BTBD9: variants seen among roughly 807,000 people sequenced by gnomAD.
BTBD9 encodes BTB domain containing 9.
In BTBD9, 49 loss-of-function variants were observed where a neutral mutation model predicts 64.3. The ratio of observed to expected loss-of-function variants is 0.76; its 90% confidence interval spans 0.61 to 0.97. The LOEUF (loss-of-function observed/expected upper bound fraction) is 0.97. Ranked by LOEUF, BTBD9 falls within the 50% of genes least tolerant of loss-of-function variation. The pLI, the probability that BTBD9 is intolerant of heterozygous loss-of-function variation, is 0.00. For synonymous variants in BTBD9, 260 were observed against 274.7 expected (o/e 0.95, Z 0.53); for missense variants, 598 against 762.1 (o/e 0.78, Z 2.53).
intron 10 of BTBD9, among the ~76,000 whole-genome samples, chr6:38,192,279 T>A (rs918448159): frequency 6.6e-6 from 1 of 152,186 alleles, no homozygotes; most frequent in African/African-American, 2.4e-5. Flanking sequence ...GTTGGCCGAT[T>A]CCACAGAGAG....
chr6:38,526,677 C>T (rs562812259), intron 6 of BTBD9, among the ~76,000 whole-genome samples: 1 of 152,334 alleles, frequency 6.6e-6, no homozygotes, highest in South Asian at 2.1e-4. Context: ...AGACATGCAG[C>T]TAAATATCAT....
chr6:38,527,472 T>G (rs1582580009), intron 6 of BTBD9, among the ~76,000 whole-genome samples: 1 of 151,952 alleles, frequency 6.6e-6, no homozygotes, highest in Non-Finnish European at 1.5e-5. Flanking sequence ...GTTCTCATGA[T>G]AGTGAGTGAG....
intron 6 of BTBD9, among the ~76,000 whole-genome samples, chr6:38,536,106 A>T (rs1357847933): frequency 6.6e-6 from 1 of 152,142 alleles, no homozygotes; most frequent in Non-Finnish European, 1.5e-5. Flanking sequence ...CTGACAAGCA[A>T]TTAATAACTA....
intron 1 of BTBD9, among the ~76,000 whole-genome samples, chr6:38,616,179 G>A (rs978406010): frequency 1.3e-5 from 2 of 152,132 alleles, no homozygotes; most frequent in African/African-American, 4.8e-5. Context: ...AAGAAAAGGA[G>A]GATCTCAGTG....
chr6:38,344,145 C>T (rs1764198401), intron 7 of BTBD9, among the ~76,000 whole-genome samples: 1 of 151,992 alleles, frequency 6.6e-6, no homozygotes. Context: ...AATCAAGGAG[C>T]TAATTGATCT....
chr6:38,464,570 A>G (rs1770257119), intron 6 of BTBD9, among the ~76,000 whole-genome samples: 1 of 152,090 alleles, frequency 6.6e-6, no homozygotes, highest in Admixed American at 6.5e-5. Context: ...ATCTCGGCTC[A>G]CTGCAACTTC....
chr6:38,314,790 T>A (rs979597054), intron 7 of BTBD9, among the ~76,000 whole-genome samples: 1 of 152,230 alleles, frequency 6.6e-6, no homozygotes, highest in African/African-American at 2.4e-5. Context: ...TAGCAGCCTC[T>A]AATGATCCTT....
chr6:38,324,276 C>A (rs1582230521), intron 7 of BTBD9, among the ~76,000 whole-genome samples: 1 of 151,980 alleles, frequency 6.6e-6, no homozygotes, highest in African/African-American at 2.4e-5. Flanking sequence ...ATTTATAGAC[C>A]CATTTTATTT....
chr6:38,497,362 A>G (rs1156651572), intron 6 of BTBD9, among the ~76,000 whole-genome samples: 1 of 152,140 alleles, frequency 6.6e-6, no homozygotes, highest in East Asian at 1.9e-4. Flanking sequence ...ATATTCTCTA[A>G]TGTAGGTCCC....
At chr6:38,431,664 C>G (rs1234187535) in intron 6 of BTBD9, among the ~76,000 whole-genome samples, 2 of 152,056 alleles carry the variant, frequency 1.3e-5, no homozygotes, top group African/African-American at 4.8e-5. Flanking sequence ...ACTCTGACCA[C>G]AGGTCTTCAA....
intron 1 of BTBD9, among the ~76,000 whole-genome samples, chr6:38,624,177 G>C (rs1329828224): frequency 2.0e-5 from 3 of 152,188 alleles, no homozygotes; most frequent in Non-Finnish European, 4.4e-5. Context: ...CAAATTAGCA[G>C]GATTCTAAAA....
intron 10 of BTBD9, among the ~76,000 whole-genome samples, chr6:38,185,955 G>A (rs1017827302): frequency 6.6e-6 from 1 of 152,176 alleles, no homozygotes; most frequent in Non-Finnish European, 1.5e-5. Flanking sequence ...ATGGTGTCCC[G>A]TTGGGTACAG....
At chr6:38,610,946 G>A (rs12190301) in intron 1 of BTBD9, among the ~76,000 whole-genome samples, 1 of 151,814 alleles carries the variant, frequency 6.6e-6, no homozygotes, top group East Asian at 1.9e-4. Flanking sequence ...CCATCAATAC[G>A]GTGAATGGAA....
chr6:38,294,969 A>T (rs571276853), intron 7 of BTBD9, among the ~76,000 whole-genome samples: 67 of 150,160 alleles, frequency 4.5e-4, no homozygotes, highest in African/African-American at 1.2e-3. Flanking sequence ...GAAGTTGAAC[A>T]TTTTTTTTTC....
chr6:38,617,429 C>T (rs897752646), intron 1 of BTBD9, among the ~76,000 whole-genome samples: 1 of 152,194 alleles, frequency 6.6e-6, no homozygotes, highest in Admixed American at 6.5e-5. Flanking sequence ...CAAAACCACT[C>T]CCTGTCCCCG....
rs556586902 is a variant in BTBD9 at position 38,534,349 on chromosome 6, A to G, written c.1154+43251T>C. Among the ~76,000 whole-genome samples the G allele has an allele frequency of 2.0e-5, 3 of 152,150 alleles. No homozygotes were observed. In the South Asian group the frequency reaches 6.2e-4, roughly 32 times the overall value. On this transcript the variant is annotated intron_variant, in intron 6 of 10. Transcript: ENST00000481247. ...AATCCAAAATTTAAACAGACCAGTA[A>G]TAAGTAATGCAATCAAACCCATTAA...
intron 7 of BTBD9, among the ~76,000 whole-genome samples, chr6:38,295,308 G>A (rs1762118226): frequency 1.3e-5 from 2 of 151,992 alleles, no homozygotes; most frequent in South Asian, 4.2e-4. Context: ...GGAACCATAG[G>A]CAGGTGCCAT....
chr6:38,632,842 G>A lies in BTBD9; in HGVS notation c.-28+6958C>T, dbSNP rs558483199. On this transcript the variant is annotated intron_variant, in intron 1 of 10. Transcript: ENST00000481247. ...AGCTACTCAGAAGCCTGAGAAGGGA[G>A]AATTGCTTGAGCCCAGGAGGTCGAG... is the stretch of plus-strand genomic sequence containing the variant. 6.6e-5 allele frequency among the ~76,000 whole-genome samples: 10 copies of A among 152,282 alleles called. No homozygotes were observed. The South Asian group carries it at 2.1e-3, about 32-fold the overall frequency.
chr6:38,498,161 C>G (rs1772038167), intron 6 of BTBD9, among the ~76,000 whole-genome samples: 1 of 152,166 alleles, frequency 6.6e-6, no homozygotes, highest in Non-Finnish European at 1.5e-5. Flanking sequence ...AAGTGGTTTA[C>G]TGTACAAATT....
Sources: gnomAD v4.1 joint callset for allele counts (sites outside exome capture counted in the v4.1 genomes callset) on GRCh38, gnomAD v4.1.1 for gene constraint, MANE v1.5 for transcripts, NCBI Gene and HGNC (gene_info 2026-07-23, HGNC 2026-07-21) for gene names.